The following SLC25A21 variants were observed in gnomAD, a reference collection of about 807,000 sequenced individuals.
SLC25A21 encodes the protein solute carrier family 25 member 21.
SLC25A21 carries 47 observed loss-of-function variants against 43.8 expected under a neutral mutation model. The observed-to-expected ratio is 1.07, with a 90% CI of 0.85 to 1.37. The LOEUF (loss-of-function observed/expected upper bound fraction) is 1.37, where lower values mean the gene tolerates loss of function less well. Ranked by LOEUF, SLC25A21 falls within the 40% of genes most tolerant of loss-of-function variation. SLC25A21 has a pLI of 0.00. For synonymous variants in SLC25A21, 131 were observed against 121.3 expected, an observed-to-expected ratio of 1.08 and a Z score of -0.52; for missense variants, 352 against 350.2, an observed-to-expected ratio of 1.00 and a Z score of -0.04.
chr14:37,131,752 G>A (rs796719348), intron 1 of SLC25A21, among the ~76,000 whole-genome samples: 10 of 152,190 alleles, frequency 6.6e-5, no homozygotes, highest in African/African-American at 1.2e-4. Context: ...ACAGCTTACC[G>A]CAGTCTCCAT....
chr14:37,092,816 T>C (rs945258088), intron 1 of SLC25A21, among the ~76,000 whole-genome samples: 5 of 152,116 alleles, frequency 3.3e-5, no homozygotes, highest in African/African-American at 1.2e-4. Flanking sequence ...ATAGTCTTCA[T>C]TGTTTAAGGC....
At chr14:36,881,292 C>T (rs1295167064) in intron 1 of SLC25A21, among the ~76,000 whole-genome samples, 1 of 152,144 alleles carries the variant, frequency 6.6e-6, no homozygotes, top group Non-Finnish European at 1.5e-5. Context: ...TTTGAGATTA[C>T]TTGCCCTAAG....
At position 37,028,595 on chromosome 14, in the gene SLC25A21, C is replaced by G. The variant is rs1353479348; in HGVS notation, c.70+143686G>C. 3.3e-5 allele frequency among the ~76,000 whole-genome samples: 5 copies of G among 152,236 alleles called. No homozygotes were observed. In the South Asian group the frequency reaches 6.2e-4, roughly 19 times the overall value. ...AAACAAGACTGTAAGTTTTGGTCAC[C>G]TTTTCTGGCTGTTAACCACCATTAC... On this transcript the variant is annotated intron_variant, in intron 1 of 9. Transcript: ENST00000331299.
At chr14:36,681,945 C>G (rs1882286115) in intron 9 of SLC25A21, among the ~76,000 whole-genome samples, 1 of 152,162 alleles carries the variant, frequency 6.6e-6, no homozygotes, top group South Asian at 2.1e-4. Context: ...TCTTACTAAT[C>G]ATTCACAATG....
intron 1 of SLC25A21, among the ~76,000 whole-genome samples, chr14:37,047,802 T>C (rs1048902285): frequency 6.6e-6 from 1 of 152,166 alleles, no homozygotes; most frequent in African/African-American, 2.4e-5. Flanking sequence ...TCATGCAAGG[T>C]AGATGTGATT....
intron 1 of SLC25A21, among the ~76,000 whole-genome samples, chr14:37,013,586 C>T (rs969707660): frequency 3.3e-5 from 5 of 152,104 alleles, no homozygotes; most frequent in African/African-American, 1.2e-4. Flanking sequence ...AATTGCCCTC[C>T]AAAAACTACA....
intron 1 of SLC25A21, among the ~76,000 whole-genome samples, chr14:36,932,926 C>G (rs8023248): frequency 0.74 from 112,030 of 151,930 alleles, 41,939 homozygotes; most frequent in African/African-American, 0.83. Context: ...GATATTATAA[C>G]GATTAAATAA....
chr14:36,875,604 C>T (rs1157352088), intron 1 of SLC25A21, among the ~76,000 whole-genome samples: 1 of 152,110 alleles, frequency 6.6e-6, no homozygotes, highest in Non-Finnish European at 1.5e-5. Flanking sequence ...CTCATTTAAT[C>T]GTCACAAGAA....
At chr14:36,883,528 G>C (rs544187484) in intron 1 of SLC25A21, among the ~76,000 whole-genome samples, 1 of 152,062 alleles carries the variant, frequency 6.6e-6, no homozygotes, top group Non-Finnish European at 1.5e-5. Context: ...TGTGTTTATT[G>C]TTTCCTGTCT....
In SLC25A21 at chr14:36,698,037, T is replaced by C. The variant is rs557430143; in HGVS notation, c.604-13112A>G. 6.0e-3 allele frequency among the ~76,000 whole-genome samples: 919 copies of C among 152,342 alleles called. 12 individuals are homozygous for C. The highest frequency in any genetic ancestry group is 0.021 in the African/African-American group (888 of 41,572). ...TGGTCTTTACAATTTGGCATGTTTTTGCAGTGGCTGGTACCGGTTGTTTCT... is the reference window on the plus strand; with the variant it reads ...TGGTCTTTACAATTTGGCATGTTTTCGCAGTGGCTGGTACCGGTTGTTTCT... On this transcript the variant is annotated intron_variant, in intron 7 of 9. Coordinates refer to ENST00000331299, the MANE Select transcript of SLC25A21 (RefSeq NM_030631.4).
intron 1 of SLC25A21, among the ~76,000 whole-genome samples, chr14:37,006,423 AC>A (rs1960605310): frequency 6.6e-6 from 1 of 152,128 alleles, no homozygotes; most frequent in African/African-American, 2.4e-5. Flanking sequence ...ATATGTATAT[AC>A]ATCAACATAC....
intron 1 of SLC25A21, among the ~76,000 whole-genome samples, chr14:37,061,814 C>T (rs934731126): frequency 5.3e-5 from 8 of 152,200 alleles, no homozygotes; most frequent in African/African-American, 1.9e-4. Flanking sequence ...ACATGACATA[C>T]TCCTGGTAGA....
intron 1 of SLC25A21, among the ~76,000 whole-genome samples, chr14:37,003,679 G>A (rs755058915): frequency 3.5e-4 from 54 of 152,234 alleles, no homozygotes; most frequent in Non-Finnish European, 6.8e-4. Context: ...ACTCAAAGAT[G>A]CACCTAAACA....
intron 1 of SLC25A21, among the ~76,000 whole-genome samples, chr14:36,910,486 A>G (rs1891658229): frequency 6.6e-6 from 1 of 152,176 alleles, no homozygotes; most frequent in Non-Finnish European, 1.5e-5. Flanking sequence ...TTATTTGGGA[A>G]GGTTTTGTAA....
intron 1 of SLC25A21, among the ~76,000 whole-genome samples, chr14:36,967,094 A>G (rs1423802605): frequency 6.6e-6 from 1 of 152,186 alleles, no homozygotes; most frequent in Non-Finnish European, 1.5e-5. Context: ...CTCCTTTTGA[A>G]TGGTGAATTA....
intron 1 of SLC25A21, among the ~76,000 whole-genome samples, chr14:37,025,013 A>T (rs1961063800): frequency 6.6e-6 from 1 of 152,140 alleles, no homozygotes; most frequent in Non-Finnish European, 1.5e-5. Context: ...CACTGTCTAG[A>T]ATTTGTTATT....
At chr14:37,126,699 A>G (rs966336880) in intron 1 of SLC25A21, among the ~76,000 whole-genome samples, 21 of 152,316 alleles carry the variant, frequency 1.4e-4, no homozygotes, top group African/African-American at 5.1e-4. Context: ...GAACATGTCA[A>G]CCTGATTCTG....
At position 37,062,024 on chromosome 14, in the gene SLC25A21, C is replaced by T. The variant is rs952496880; in HGVS notation, c.70+110257G>A. Among the ~76,000 whole-genome samples, 21 of 152,224 alleles carry T rather than the reference C, an allele frequency of 1.4e-4. No individual in the cohort carries two copies. In the South Asian group the frequency reaches 2.9e-3, roughly 21 times the overall value. On this transcript the variant is annotated intron_variant, in intron 1 of 9. Transcript: ENST00000331299. ...AAATGGTCCAAACAGTATGGCCCCC[C>T]TGTAGAAACCCCACATACAATAATC...
At chr14:36,716,630 T>G (rs2139197636) in intron 6 of SLC25A21, among the ~76,000 whole-genome samples, 1 of 152,318 alleles carries the variant, frequency 6.6e-6, no homozygotes, top group African/African-American at 2.4e-5. Flanking sequence ...CACTGAGTCC[T>G]TACTTTCTGA....
Sources: allele counts gnomAD v4.1 joint callset (sites outside exome capture counted in the v4.1 genomes callset), GRCh38; gene constraint gnomAD v4.1.1; transcripts MANE v1.5; gene names NCBI Gene and HGNC (gene_info 2026-07-23, HGNC 2026-07-21).